The following ZNF385B variants were observed in gnomAD, a reference collection of about 807,000 sequenced individuals.
The protein encoded by ZNF385B is zinc finger protein 385B, also known as zinc finger protein 533.
ZNF385B carries 23 observed loss-of-function variants against 39.2 expected under a neutral mutation model. That is an observed-to-expected ratio of 0.59 (90% CI 0.42 to 0.83). The LOEUF (loss-of-function observed/expected upper bound fraction) is 0.83, where lower values mean the gene tolerates loss of function less well. ZNF385B is among the 40% of genes least tolerant of loss of function. The pLI, the probability that ZNF385B is intolerant of heterozygous loss-of-function variation, is 0.00. For synonymous variants in ZNF385B, 205 were observed against 222.6 expected, an observed-to-expected ratio of 0.92 and a Z score of 0.70; for missense variants, 552 against 598.9, an observed-to-expected ratio of 0.92 and a Z score of 0.82.
At chr2:179,567,570 A>C (rs1345957240) in intron 3 of ZNF385B, among the ~76,000 whole-genome samples, 1 of 152,254 alleles carries the variant, frequency 6.6e-6, no homozygotes, top group Non-Finnish European at 1.5e-5. Flanking sequence ...TCCACAGGGC[A>C]GGAAGCTTTG....
intron 3 of ZNF385B, among the ~76,000 whole-genome samples, chr2:179,737,415 C>T (rs1228203801): frequency 6.6e-6 from 1 of 152,028 alleles, no homozygotes; most frequent in Non-Finnish European, 1.5e-5. Context: ...CCTGCCCAGG[C>T]CCATTCTTTA....
intron 3 of ZNF385B, among the ~76,000 whole-genome samples, chr2:179,597,038 G>A (rs1199886918): frequency 6.6e-6 from 1 of 152,104 alleles, no homozygotes; most frequent in African/African-American, 2.4e-5. Flanking sequence ...CATTCTTTCA[G>A]TTCCCAATAA....
intron 3 of ZNF385B, among the ~76,000 whole-genome samples, chr2:179,768,031 C>A (rs1037906795): frequency 1.3e-5 from 2 of 151,188 alleles, no homozygotes; most frequent in African/African-American, 4.9e-5. Flanking sequence ...CTCAATGCAA[C>A]CTCTACCTCC....
chr2:179,815,298 G>A (rs912850545), intron 1 of ZNF385B, among the ~76,000 whole-genome samples: 7 of 152,204 alleles, frequency 4.6e-5, no homozygotes, highest in Non-Finnish European at 8.8e-5. Context: ...CTGGAGAGGT[G>A]CAAATACAGA....
chr2:179,690,887 A>G (rs910205267), intron 3 of ZNF385B, among the ~76,000 whole-genome samples: 5 of 152,156 alleles, frequency 3.3e-5, no homozygotes, highest in African/African-American at 1.2e-4. Flanking sequence ...TTCTTACAAG[A>G]TTATGGTTTT....
At chr2:179,662,640 A>C (rs1404100213) in intron 3 of ZNF385B, among the ~76,000 whole-genome samples, 1 of 151,916 alleles carries the variant, frequency 6.6e-6, no homozygotes, top group Non-Finnish European at 1.5e-5. Context: ...TTCCATTTGT[A>C]CTCTCCTTAA....
chr2:179,693,105 C>A (rs942739755), intron 3 of ZNF385B, among the ~76,000 whole-genome samples: 1 of 152,186 alleles, frequency 6.6e-6, no homozygotes, highest in South Asian at 2.1e-4. Context: ...TCTAGTCAGG[C>A]ACAATTTTTT....
chr2:179,456,167 G>T (rs914205334), intron 6 of ZNF385B, among the ~76,000 whole-genome samples: 5 of 152,150 alleles, frequency 3.3e-5, no homozygotes, highest in African/African-American at 1.2e-4. Flanking sequence ...ATTATATTCA[G>T]ACATCTCTGA....
intron 3 of ZNF385B, among the ~76,000 whole-genome samples, chr2:179,635,335 G>C: frequency 7.4e-6 from 1 of 134,944 alleles, no homozygotes; most frequent in African/African-American, 2.7e-5. Flanking sequence ...ATTGAACAAT[G>C]AGATCACTTG....
chr2:179,578,477 G>A (rs1482004122), intron 3 of ZNF385B, among the ~76,000 whole-genome samples: 1 of 152,042 alleles, frequency 6.6e-6, no homozygotes, highest in African/African-American at 2.4e-5. Context: ...GATGTGTGTG[G>A]TGCCTATGTG....
intron 1 of ZNF385B, among the ~76,000 whole-genome samples, chr2:179,847,513 G>C (rs1327297137): frequency 6.6e-6 from 1 of 152,196 alleles, no homozygotes; most frequent in African/African-American, 2.4e-5. Flanking sequence ...AGTAGAAACA[G>C]GACCAGAAAC....
Position 179,518,541 on chromosome 2 carries a change from C to A in ZNF385B, c.539G>T (p.Arg180Leu), listed in dbSNP as rs146036736. The change falls in exon 5 of 10, where the codon CGC becomes CTC. Residue 180 changes from arginine (R) to leucine (L), a missense_variant. By Grantham distance (102) the Arg-to-Leu change is moderately radical. Coordinates refer to ENST00000410066, the MANE Select transcript of ZNF385B (RefSeq NM_152520.6). ...GGTGATACTCACATCTGAGTTAAAG[C>A]GAAGCTGACAGACATTACAAGAAAT... The part of the protein sequence containing the change: ...QVISCNVCQL[R>L]FNSDSQAEAH... 2 of 1,601,578 alleles carry A rather than the reference C, an allele frequency of 1.2e-6. No homozygotes were observed. Among genetic ancestry groups the A allele is most frequent in the Non-Finnish European group, 8.5e-7 (1 of 1,175,002 alleles).
intron 1 of ZNF385B, among the ~76,000 whole-genome samples, chr2:179,786,058 G>C (rs981168948): frequency 6.6e-6 from 1 of 152,140 alleles, no homozygotes; most frequent in Admixed American, 6.6e-5. Context: ...TCAGTCAGCA[G>C]CAGTCAACAC....
intron 5 of ZNF385B, among the ~76,000 whole-genome samples, chr2:179,504,325 C>T (rs1008769243): frequency 1.5e-4 from 23 of 151,632 alleles, no homozygotes; most frequent in South Asian, 2.1e-4. Flanking sequence ...TGAATAATGC[C>T]GCAATAAACA....
At chr2:179,842,030 A>T (rs1708562665) in intron 1 of ZNF385B, among the ~76,000 whole-genome samples, 1 of 152,190 alleles carries the variant, frequency 6.6e-6, no homozygotes, top group Non-Finnish European at 1.5e-5. Context: ...GAATCACTCA[A>T]CTTTCTGGAC....
intron 3 of ZNF385B, among the ~76,000 whole-genome samples, chr2:179,649,618 T>C (rs758129196): frequency 6.6e-6 from 1 of 152,088 alleles, no homozygotes; most frequent in Non-Finnish European, 1.5e-5. Context: ...TAAGTAAAAA[T>C]ATAAAGGTGC....
chr2:179,618,334 T>C (rs1372156239), intron 3 of ZNF385B, among the ~76,000 whole-genome samples: 2 of 152,190 alleles, frequency 1.3e-5, no homozygotes, highest in African/African-American at 4.8e-5. Flanking sequence ...ATATCTATGG[T>C]TCATTTCCAC....
At chr2:179,733,782 C>CA (rs11400555) in intron 3 of ZNF385B, among the ~76,000 whole-genome samples, 57,343 of 103,358 alleles carry the variant, frequency 0.55, 16,103 homozygotes, top group African/African-American at 0.67. Flanking sequence ...GACTCCGTCT[C>CA]AAAAAAAAAA....
At chr2:179,744,330 A>AATCT (rs1553520965) in intron 3 of ZNF385B, among the ~76,000 whole-genome samples, 7 of 149,628 alleles carry the variant, frequency 4.7e-5, no homozygotes, top group South Asian at 4.2e-4. Flanking sequence ...TTTTTTTTAA[A>AATCT]TCATAGAGAC....
Sources: gnomAD v4.1 joint callset for allele counts (sites outside exome capture counted in the v4.1 genomes callset) on GRCh38, gnomAD v4.1.1 for gene constraint, MANE v1.5 for transcripts, NCBI Gene and HGNC (gene_info 2026-07-23, HGNC 2026-07-21) for gene names.